Variants in CCSER1 observed in about 807,000 individuals in gnomAD.
CCSER1 encodes the protein serine-rich coiled-coil domain-containing protein 1.
CCSER1 carries 41 observed loss-of-function variants against 82.0 expected under a neutral mutation model. That is an observed-to-expected ratio of 0.50 (90% CI 0.39 to 0.65). CCSER1 has a LOEUF of 0.65. CCSER1 is among the 30% of genes least tolerant of loss of function. CCSER1 has a pLI of 0.00. For synonymous variants in CCSER1, 414 were observed against 383.9 expected (o/e 1.08, Z -0.92); for missense variants, 1,119 against 1,064.2 (o/e 1.05, Z -0.72).
In CCSER1 at chr4:90,564,675, T is replaced by C. The variant is rs144689177; in HGVS notation, c.1725-63350T>C. On this transcript the variant is annotated intron_variant, in intron 5 of 10. Transcript: ENST00000509176. The stretch of plus-strand genomic sequence containing the variant: ...GGCTTCAGGTCTTATATTTAAATAT[T>C]TAATTCATTTTGTTTTTTTTTTTAA... Among the ~76,000 whole-genome samples, 1,041 of 133,392 alleles carry C rather than the reference T, an allele frequency of 7.8e-3. 14 individuals are homozygous for C. The highest frequency in any genetic ancestry group is 0.034 in the African/African-American group (962 of 28,672). 87.5% of individuals were successfully genotyped at this position (133,392 alleles called of 152,430 possible). A position where few individuals can be genotyped will look rare whatever the true frequency, so the allele number is the denominator to read the frequency against.
chr4:91,382,358 G>A (rs1220917210), intron 10 of CCSER1, among the ~76,000 whole-genome samples: 1 of 152,198 alleles, frequency 6.6e-6, no homozygotes, highest in African/African-American at 2.4e-5. Flanking sequence ...GTTCCACCCA[G>A]TTTGAGTTTC....
intron 9 of CCSER1, among the ~76,000 whole-genome samples, chr4:91,034,905 C>T (rs1252166716): frequency 6.6e-6 from 1 of 152,050 alleles, no homozygotes; most frequent in Non-Finnish European, 1.5e-5. Flanking sequence ...ATCCTTAATT[C>T]TTTTAATTGC....
intron 4 of CCSER1, among the ~76,000 whole-genome samples, chr4:90,422,018 A>G (rs534931585): frequency 2.6e-5 from 4 of 152,344 alleles, no homozygotes; most frequent in Admixed American, 2.6e-4. Context: ...AACTAAAGGC[A>G]TAATCAATCC....
At chr4:91,594,175 A>C (rs895642136) in intron 10 of CCSER1, among the ~76,000 whole-genome samples, 3 of 151,890 alleles carry the variant, frequency 2.0e-5, no homozygotes, top group Non-Finnish European at 2.9e-5. Flanking sequence ...CATGCATTAA[A>C]ATTACCTTCA....
At chr4:90,273,792 TGAGTAA>T (rs754653348) in intron 1 of CCSER1, among the ~76,000 whole-genome samples, 1 of 152,004 alleles carries the variant, frequency 6.6e-6, no homozygotes, top group Non-Finnish European at 1.5e-5. Context: ...CAGAACAACA[TGAGTAA>T]GAGTTCCAGG....
At chr4:90,448,446 T>A (rs1468033595) in intron 4 of CCSER1, among the ~76,000 whole-genome samples, 1 of 69,212 alleles carries the variant, frequency 1.4e-5, no homozygotes, top group African/African-American at 9.8e-5. Context: ...GTGAATTGAA[T>A]ATATATATAT....
chr4:91,153,037 C>T (rs933510170), intron 10 of CCSER1, among the ~76,000 whole-genome samples: 5 of 151,880 alleles, frequency 3.3e-5, no homozygotes, highest in Non-Finnish European at 7.4e-5. Flanking sequence ...CTCTGTATTT[C>T]CTGAATTTGA....
At chr4:90,571,790 TC>T (rs1169630853) in intron 5 of CCSER1, among the ~76,000 whole-genome samples, 4 of 152,192 alleles carry the variant, frequency 2.6e-5, no homozygotes, top group African/African-American at 9.7e-5. Context: ...TCCACTAGTC[TC>T]ATCATATTTT....
intron 5 of CCSER1, among the ~76,000 whole-genome samples, chr4:90,596,444 A>AT (rs1238286696): frequency 1.1e-4 from 16 of 151,962 alleles, no homozygotes; most frequent in African/African-American, 3.9e-4. Context: ...CAATGATATA[A>AT]TTTTTTAAAT....
At chr4:90,303,832 A>G (rs1733677740) in intron 1 of CCSER1, among the ~76,000 whole-genome samples, 3 of 151,444 alleles carry the variant, frequency 2.0e-5, no homozygotes, top group South Asian at 4.2e-4. Context: ...GCTTCTGCAC[A>G]GCAAAAGAAA....
intron 10 of CCSER1, among the ~76,000 whole-genome samples, chr4:91,158,431 C>T (rs1731037940): frequency 6.6e-6 from 1 of 151,926 alleles, no homozygotes; most frequent in Admixed American, 6.6e-5. Context: ...TTCACTTTAT[C>T]CCTATTCCAA....
intron 7 of CCSER1, among the ~76,000 whole-genome samples, chr4:90,788,072 A>G (rs537295722): frequency 6.6e-6 from 1 of 152,306 alleles, no homozygotes; most frequent in Admixed American, 6.5e-5. Context: ...TTACTATTAT[A>G]TTAGAAATCC....
At chr4:90,917,351 C>A (rs1445904511) in intron 8 of CCSER1, among the ~76,000 whole-genome samples, 1 of 152,130 alleles carries the variant, frequency 6.6e-6, no homozygotes, top group Non-Finnish European at 1.5e-5. Context: ...ATGATGAGTT[C>A]ATATCCTTTG....
At chr4:90,330,171 G>A (rs2153495027) in intron 3 of CCSER1, among the ~76,000 whole-genome samples, 1 of 152,200 alleles carries the variant, frequency 6.6e-6, no homozygotes, top group Non-Finnish European at 1.5e-5. Flanking sequence ...TTTTGCACTT[G>A]TCTTTCTTCT....
chr4:91,337,212 A>T (rs1471184219), intron 10 of CCSER1, among the ~76,000 whole-genome samples: 2 of 152,148 alleles, frequency 1.3e-5, no homozygotes, highest in Non-Finnish European at 2.9e-5. Context: ...GAGACATTTA[A>T]TGAGTTTATT....
chr4:91,397,397 C>T (rs1050932781), intron 10 of CCSER1, among the ~76,000 whole-genome samples: 1 of 152,030 alleles, frequency 6.6e-6, no homozygotes, highest in African/African-American at 2.4e-5. Context: ...ACCTTTCATC[C>T]TTTATTCTTC....
At chr4:90,395,635 A>G (rs985409827) in intron 3 of CCSER1, among the ~76,000 whole-genome samples, 1 of 150,766 alleles carries the variant, frequency 6.6e-6, no homozygotes, top group Non-Finnish European at 1.5e-5. Context: ...TTTACAATTA[A>G]ACTCTACTTG....
Position 91,264,870 on chromosome 4 carries a change from T to G in CCSER1, c.2217+178876T>G, listed in dbSNP as rs567527442. 3.6e-3 allele frequency among the ~76,000 whole-genome samples: 544 copies of G among 152,138 alleles called. 2 individuals are homozygous for G. The highest frequency in any genetic ancestry group is 0.012 in the African/African-American group (515 of 41,552). On this transcript the variant is annotated intron_variant, in intron 10 of 10. Coordinates refer to ENST00000509176, the MANE Select transcript of CCSER1 (RefSeq NM_001145065.2). Reference sequence around the variant, plus strand: ...GGAGGGTAAATCCCTGATTAAGAAATAATTTTATTAAAATATTATGAAGAT... The same window carrying G: ...GGAGGGTAAATCCCTGATTAAGAAAGAATTTTATTAAAATATTATGAAGAT...
chr4:91,581,653 C>G (rs1206640992), intron 10 of CCSER1, among the ~76,000 whole-genome samples: 1 of 151,592 alleles, frequency 6.6e-6, no homozygotes, highest in Admixed American at 6.6e-5. Context: ...TGTACACTGT[C>G]AGAGTCAGGA....
Sources: gnomAD v4.1 joint callset for allele counts (sites outside exome capture counted in the v4.1 genomes callset) on GRCh38, gnomAD v4.1.1 for gene constraint, MANE v1.5 for transcripts, NCBI Gene and HGNC (gene_info 2026-07-23, HGNC 2026-07-21) for gene names.